The following PDS5B variants were observed in gnomAD, a reference collection of about 807,000 sequenced individuals.
PDS5B encodes the protein PDS5 cohesin associated factor B, also known as sister chromatid cohesion protein PDS5 homolog B.
PDS5B carries 51 observed loss-of-function variants against 184.1 expected under a neutral mutation model. The ratio of observed to expected loss-of-function variants is 0.28; its 90% CI spans 0.22 to 0.35. The LOEUF (loss-of-function observed/expected upper bound fraction) is 0.35, where lower values mean the gene tolerates loss of function less well. Among genes scored for constraint, PDS5B ranks in the 10% least tolerant of loss-of-function variants. The pLI is 1.00. For synonymous variants in PDS5B, 566 were observed against 569.2 expected (o/e 0.99, Z 0.08); for missense variants, 1,180 against 1,723.3 (o/e 0.68, Z 5.58).
intron 1 of PDS5B, among the ~76,000 whole-genome samples, chr13:32,619,788 A>T (rs186990544): frequency 1.3e-5 from 2 of 152,248 alleles, no homozygotes; most frequent in Admixed American, 1.3e-4. Flanking sequence ...GGTCTGAGAC[A>T]TCTTTGGTTA....
rs375020498 is a variant in PDS5B, at chr13:32,610,796, ACCT to A, written c.-20+24205_-20+24207del. ...TCACTCTCTAGGAAAGAGATTACTT[ACCT>A]CAGAGTTCTTGGTGAGGATGAAATG... On this transcript the variant is annotated intron_variant, in intron 1 of 34. Transcript: ENST00000315596. Among the ~76,000 whole-genome samples, 7 of 152,156 alleles carry A rather than the reference ACCT, an allele frequency of 4.6e-5. 1 individual carries two copies. In the East Asian group the frequency reaches 1.4e-3, roughly 29 times the overall value.
chr13:32,761,965 T>C (rs781118073), intron 30 of PDS5B, among the ~76,000 whole-genome samples: 4 of 152,188 alleles, frequency 2.6e-5, no homozygotes, highest in Non-Finnish European at 4.4e-5. Context: ...CTCACCAGCA[T>C]CTGTTGTTTT....
chr13:32,730,139 G>T (rs1271058770), intron 19 of PDS5B, among the ~76,000 whole-genome samples: 2 of 152,082 alleles, frequency 1.3e-5, no homozygotes, highest in Non-Finnish European at 2.9e-5. Flanking sequence ...GTAAGGAAGG[G>T]GTCAAGTTTC....
Position 32,741,699 on chromosome 13 carries a change from C to CTCTGTGTG in PDS5B, c.2475+552_2475+553insCTGTGTGT, listed in dbSNP as rs371056675. Among the ~76,000 whole-genome samples the CTCTGTGTG allele has an allele frequency of 2.7e-4, 37 of 139,276 alleles. 1 individual carries two copies. The highest frequency in any genetic ancestry group is 2.5e-3 in the Admixed American group (35 of 13,968). 91.4% of individuals were successfully genotyped at this position (139,276 alleles called of 152,430 possible). The stretch of plus-strand genomic sequence containing the variant: ...GTAATTTCTTATAAACCCTTTCAGT[C>CTCTGTGTG]TGTGTGTGTGTGTGTGTGTGTGTGT... On this transcript the variant is annotated intron_variant, in intron 22 of 34. Transcript: ENST00000315596.
chr13:32,658,303 A>G lies in PDS5B; in HGVS notation c.377A>G (p.Asn126Ser), dbSNP rs776621536. The stretch of plus-strand genomic sequence containing the variant: ...GAGGATACAAAGAGCCCACAATTCA[A>G]TAGGTATTTTTATTTACTTGAGGTA... ...GLEDTKSPQF[N>S]RYFYLLENIA... Residue 126 changes from asparagine (N) to serine (S), a missense_variant, in exon 4 of 35, where the codon AAT becomes AGT. Transcript: ENST00000315596. 1 of 1,508,002 alleles carries G rather than the reference A, an allele frequency of 6.6e-7. No homozygotes were observed. 93.4% of individuals were successfully genotyped at this position (1,508,002 alleles called of 1,614,324 possible).
chr13:32,677,203 T>G (rs1366090398), intron 9 of PDS5B, among the ~76,000 whole-genome samples: 2 of 152,016 alleles, frequency 1.3e-5, no homozygotes, highest in Admixed American at 1.3e-4. Context: ...TAAGCCAACT[T>G]TTTTCTTTTA....
chr13:32,723,965 C>T (rs913294032), intron 19 of PDS5B, among the ~76,000 whole-genome samples: 1 of 152,088 alleles, frequency 6.6e-6, no homozygotes, highest in Non-Finnish European at 1.5e-5. Context: ...AACTTACAGC[C>T]AGCTTTATTT....
chr13:32,725,382 A>C (rs1194453975), intron 19 of PDS5B, among the ~76,000 whole-genome samples: 1 of 151,956 alleles, frequency 6.6e-6, no homozygotes, highest in African/African-American at 2.4e-5. Context: ...TTAGTCCCTG[A>C]GTCCTTTGAA....
At chr13:32,607,234 G>T (rs538892783) in intron 1 of PDS5B, among the ~76,000 whole-genome samples, 1 of 152,182 alleles carries the variant, frequency 6.6e-6, no homozygotes, top group African/African-American at 2.4e-5. Context: ...GTACAGATGG[G>T]TTTTGGTGTG....
chr13:32,694,729 A>G (rs577163974), intron 14 of PDS5B, among the ~76,000 whole-genome samples: 9 of 151,900 alleles, frequency 5.9e-5, no homozygotes, highest in Admixed American at 4.6e-4. Flanking sequence ...TGATGTTTTT[A>G]CTTAATATTT....
chr13:32,595,692 C>T (rs1447930655), intron 1 of PDS5B, among the ~76,000 whole-genome samples: 2 of 152,136 alleles, frequency 1.3e-5, no homozygotes, highest in East Asian at 3.8e-4. Flanking sequence ...GTGAATAAAC[C>T]AAACTGAGCT....
At chr13:32,701,083 A>G (rs967918820) in intron 16 of PDS5B, 22 of 273,982 alleles carry the variant, frequency 8.0e-5, no homozygotes, top group Non-Finnish European at 1.2e-4. Context: ...CCAAATGTCT[A>G]TCCAGTAATT....
chr13:32,688,892 A>G (rs1359581418), intron 13 of PDS5B: 1 of 291,426 alleles, frequency 3.4e-6, no homozygotes, highest in African/African-American at 2.2e-5. Context: ...CATTAGAAAC[A>G]TTCATATTAT....
At chr13:32,595,901 C>G (rs1255548010) in intron 1 of PDS5B, among the ~76,000 whole-genome samples, 1 of 152,086 alleles carries the variant, frequency 6.6e-6, no homozygotes, top group Non-Finnish European at 1.5e-5. Context: ...CATGGACTTG[C>G]AGTTACTTTG....
rs1593641188 is a variant in PDS5B, at chr13:32,764,376, A to G, written c.3519-113A>G. ...AAATATGGTAGAATGAAACTGATTC[A>G]TTTTTGAAAAGAACGAAATTTTTTC... On this transcript the variant is annotated intron_variant, in intron 30 of 34. Coordinates refer to ENST00000315596, the MANE Select transcript of PDS5B (RefSeq NM_015032.4). The G allele has an allele frequency of 1.0e-5, 5 of 491,486 alleles. No individual in the cohort carries two copies. In the East Asian group the frequency reaches 1.4e-4, roughly 14 times the overall value. The allele number at this position is 491,486 out of a possible 1,614,324, so 30.4% of individuals were successfully genotyped here. A position where few individuals can be genotyped will look rare whatever the true frequency, so the allele number is the denominator to read the frequency against.
At chr13:32,671,618 A>G (rs561019820) in intron 7 of PDS5B, among the ~76,000 whole-genome samples, 233 of 152,326 alleles carry the variant, frequency 1.5e-3, no homozygotes, top group Non-Finnish European at 2.8e-3. Context: ...AAAAGAAAGA[A>G]TAGCAAAATA....
At chr13:32,592,257 G>A (rs1203821008) in intron 1 of PDS5B, among the ~76,000 whole-genome samples, 2 of 152,006 alleles carry the variant, frequency 1.3e-5, no homozygotes, top group South Asian at 2.1e-4. Flanking sequence ...TTAGTTTTTG[G>A]TTTTCTTTTT....
At chr13:32,665,588 C>CAAAAAAAAAAAAAAAAAAAAA (rs34604938) in intron 6 of PDS5B, among the ~76,000 whole-genome samples, 1 of 25,874 alleles carries the variant, frequency 3.9e-5, no homozygotes, top group African/African-American at 1.7e-4. Flanking sequence ...GACTCCGACT[C>CAAAAAAAAAAAAAAAAAAAAA]AAAAAAAAAA....
intron 10 of PDS5B, 60 bp from the exon 11 acceptor site, chr13:32,683,818 A>T: frequency 9.0e-7 from 1 of 1,107,550 alleles, no homozygotes; most frequent in Non-Finnish European, 1.3e-6. Flanking sequence ...GGTATCATGC[A>T]GTGTTTTAAA....
Sources: gnomAD v4.1 joint callset for allele counts (sites outside exome capture counted in the v4.1 genomes callset) on GRCh38, gnomAD v4.1.1 for gene constraint, MANE v1.5 for transcripts, NCBI Gene and HGNC (gene_info 2026-07-23, HGNC 2026-07-21) for gene names.